The following EPB41L2 variants were observed in gnomAD, a reference collection of about 807,000 sequenced individuals.
EPB41L2 encodes band 4.1-like protein 2.
In EPB41L2, 43 loss-of-function variants were observed where a neutral mutation model predicts 113.0. The ratio of observed to expected loss-of-function variants is 0.38; its 90% CI spans 0.30 to 0.49. EPB41L2 has a LOEUF of 0.49. EPB41L2 is among the 20% of genes least tolerant of loss of function. The pLI is 0.95. For synonymous variants in EPB41L2, 442 were observed against 436.7 expected (o/e 1.01, Z -0.15); for missense variants, 1,147 against 1,223.4 (o/e 0.94, Z 0.93).
intron 1 of EPB41L2, among the ~76,000 whole-genome samples, chr6:130,990,851 G>T (rs1394398491): frequency 6.8e-6 from 1 of 146,634 alleles, no homozygotes; most frequent in Non-Finnish European, 1.5e-5. Context: ...TTTTGAGGTG[G>T]AGTCTCGCTC....
intron 1 of EPB41L2, among the ~76,000 whole-genome samples, chr6:131,041,224 C>G (rs1013793119): frequency 6.6e-6 from 1 of 151,234 alleles, no homozygotes; most frequent in Non-Finnish European, 1.5e-5. Context: ...TTTACAAATA[C>G]ATAACAAAAA....
intron 19 of EPB41L2, among the ~76,000 whole-genome samples, chr6:130,857,147 C>T (rs1780493376): frequency 6.6e-6 from 1 of 152,134 alleles, no homozygotes; most frequent in African/African-American, 2.4e-5. Context: ...TAAAATATTA[C>T]TAATTTATAC....
intron 12 of EPB41L2, chr6:130,882,332 AAGG>A (rs1276514602): frequency 1.3e-5 from 2 of 152,350 alleles, no homozygotes; most frequent in South Asian, 2.1e-4. Context: ...GGTATCAATG[AAGG>A]AGAAGTGTCT....
At chr6:130,984,498 G>A (rs1024982371) in intron 1 of EPB41L2, among the ~76,000 whole-genome samples, 3 of 152,154 alleles carry the variant, frequency 2.0e-5, no homozygotes, top group Non-Finnish European at 2.9e-5. Flanking sequence ...AATGTCACCA[G>A]ATAATAGGAA....
chr6:130,955,087 C>G lies in EPB41L2; in HGVS notation c.705+18G>C, dbSNP rs761478766. ...AATCCACATATCAAGCTAGCTCTCA[C>G]TCAGCTCCCTATCTCACCTCCAGGT... On this transcript the variant is annotated intron_variant, in intron 3 of 19. Transcript: ENST00000337057. 2.5e-6 allele frequency: 4 copies of G among 1,610,166 alleles called. No individual in the cohort carries two copies. The highest frequency in any genetic ancestry group is 3.4e-6 in the Non-Finnish European group (4 of 1,176,580).
intron 1 of EPB41L2, among the ~76,000 whole-genome samples, chr6:131,058,148 T>A (rs946403522): frequency 7.2e-5 from 11 of 152,128 alleles, no homozygotes; most frequent in African/African-American, 2.7e-4. Flanking sequence ...AGTGAAAACA[T>A]GTTTCCATTT....
chr6:131,005,198 T>A (rs1785216432), intron 1 of EPB41L2, among the ~76,000 whole-genome samples: 1 of 151,784 alleles, frequency 6.6e-6, no homozygotes, highest in South Asian at 2.1e-4. Context: ...TTTTTTAACC[T>A]TCAAAAACCT....
At chr6:130,866,394 C>T (rs190805051) in intron 16 of EPB41L2, among the ~76,000 whole-genome samples, 6 of 152,262 alleles carry the variant, frequency 3.9e-5, no homozygotes, top group Non-Finnish European at 7.4e-5. Context: ...GACACTGACA[C>T]GAGGAAATAA....
At chr6:130,934,839 A>G (rs933977466) in intron 3 of EPB41L2, among the ~76,000 whole-genome samples, 2 of 139,334 alleles carry the variant, frequency 1.4e-5, no homozygotes, top group African/African-American at 5.2e-5. Flanking sequence ...TTTCAAACTT[A>G]ATTTTCATTA....
chr6:131,031,425 A>G (rs1584660056), intron 1 of EPB41L2, among the ~76,000 whole-genome samples: 1 of 152,330 alleles, frequency 6.6e-6, no homozygotes, highest in East Asian at 1.9e-4. Context: ...AGTAAATTCA[A>G]TTGAATAGTT....
intron 1 of EPB41L2, among the ~76,000 whole-genome samples, chr6:130,999,054 G>T (rs1437221995): frequency 1.3e-5 from 2 of 152,070 alleles, no homozygotes; most frequent in African/African-American, 4.8e-5. Flanking sequence ...CTTCTCAAAA[G>T]ACAGCCAACC....
rs553950970 is a variant in EPB41L2 at position 130,932,403 on chromosome 6, C to A, written c.706-5694G>T. On this transcript the variant is annotated intron_variant, in intron 3 of 19. Coordinates refer to ENST00000337057, the MANE Select transcript of EPB41L2 (RefSeq NM_001431.4). ...ATTTGTTAACCAAGCAAAATATACA[C>A]ATAATTTTGCTTCATAACTTTCACC... 1.1e-4 allele frequency among the ~76,000 whole-genome samples: 16 copies of A among 151,880 alleles called. 1 individual carries two copies. Among genetic ancestry groups the A allele is most frequent in the African/African-American group, 3.9e-4 (16 of 41,396 alleles).
intron 1 of EPB41L2, among the ~76,000 whole-genome samples, chr6:130,986,744 C>G (rs1186664198): frequency 2.0e-5 from 3 of 152,042 alleles, no homozygotes; most frequent in Non-Finnish European, 4.4e-5. Context: ...TGCCACCACA[C>G]CCGGCTCATG....
rs200766051 is a variant in EPB41L2 at position 130,869,784 on chromosome 6, C to T, written c.2386G>A (p.Glu796Lys). The T allele has an allele frequency of 1.4e-4, 223 of 1,614,032 alleles. 1 individual carries two copies. Among genetic ancestry groups the T allele is most frequent in the South Asian group, 4.8e-4 (44 of 91,064 alleles). Reference protein sequence around the residue: ...KVVEREEAVPEASPVTQAGAS... With the variant: ...KVVEREEAVPKASPVTQAGAS... ...CCTGCTTGTGTGACTGGGCTGGCTT[C>T]GGGCACTGCTTCCTCCCTCTCTACT... is the stretch of plus-strand genomic sequence containing the variant. The change falls in exon 15 of 20, where the codon GAA becomes AAA. Residue 796 changes from glutamate to lysine, a missense_variant. Physicochemically the swap from Glu to Lys is moderately conservative, Grantham distance 56. Transcript: ENST00000337057.
rs547631535 is a variant in EPB41L2 at position 131,051,452 on chromosome 6, C to CAAA, written c.-15+11700_-15+11702dup. Among the ~76,000 whole-genome samples the CAAA allele has an allele frequency of 5.5e-3, 556 of 101,762 alleles. 14 individuals carry two copies. The highest frequency in any genetic ancestry group is 0.02 in the African/African-American group (425 of 21,266). The allele number at this position is 101,762 out of a possible 152,430, so 66.8% of individuals were successfully genotyped here. A position where few individuals can be genotyped will look rare whatever the true frequency, so the allele number is the denominator to read the frequency against. ...AAGGAACAAATTCACAAAAGTAAAG[C>CAAA]AAAAAAAAAAAAAACACACACACAC... On this transcript the variant is annotated intron_variant, in intron 1 of 19. Coordinates refer to ENST00000337057, the MANE Select transcript of EPB41L2 (RefSeq NM_001431.4).
intron 1 of EPB41L2, among the ~76,000 whole-genome samples, chr6:130,991,050 C>T (rs963941542): frequency 6.6e-6 from 1 of 151,964 alleles, no homozygotes; most frequent in East Asian, 1.9e-4. Context: ...AGGATGGTCT[C>T]AATCTCGTAA....
intron 1 of EPB41L2, among the ~76,000 whole-genome samples, chr6:130,957,678 T>C (rs945446570): frequency 6.8e-6 from 1 of 147,508 alleles, no homozygotes; most frequent in Admixed American, 6.8e-5. Flanking sequence ...CAAACTTGAA[T>C]AAGTCAAAAA....
At chr6:130,891,645 A>G (rs7773290) in intron 10 of EPB41L2, among the ~76,000 whole-genome samples, 66,951 of 151,844 alleles carry the variant, frequency 0.44, 16,218 homozygotes, top group Non-Finnish European at 0.52. Context: ...GTAGAGACAC[A>G]GTTTCACCAG....
rs1781924156 is a variant in EPB41L2 at position 130,861,245 on chromosome 6, TG to T, written c.2910+2392del. On this transcript the variant is annotated intron_variant, in intron 18 of 19. Coordinates refer to ENST00000337057, the MANE Select transcript of EPB41L2 (RefSeq NM_001431.4). ...CCGCCACTACACCCGGCTAATTTTT[TG>T]TATTTTTAGTAGAGACAGGGTTTCG... Among the ~76,000 whole-genome samples the T allele has an allele frequency of 2.6e-5, 4 of 152,020 alleles. No individual in the cohort carries two copies. The East Asian group carries it at 7.9e-4, about 30-fold the overall frequency.
Sources: gnomAD v4.1 joint callset for allele counts (sites outside exome capture counted in the v4.1 genomes callset) on GRCh38, gnomAD v4.1.1 for gene constraint, MANE v1.5 for transcripts, NCBI Gene and HGNC (gene_info 2026-07-23, HGNC 2026-07-21) for gene names.